Variants in HTR2C observed in about 807,000 individuals in gnomAD.
The protein encoded by HTR2C is 5-hydroxytryptamine receptor 2C, also known as 5-hydroxytryptamine (serotonin) receptor 2C, G protein-coupled.
Under a neutral mutation model 21.0 loss-of-function variants are expected in HTR2C, and 5 were observed. That is an observed-to-expected ratio of 0.24 (90% CI 0.12 to 0.50). HTR2C has a LOEUF of 0.50. Among genes scored for constraint, HTR2C ranks in the 20% least tolerant of loss-of-function variants. The pLI, the probability that HTR2C is intolerant of heterozygous loss-of-function variation, is 0.98. For missense variants in HTR2C, 271 were observed against 371.2 expected (o/e 0.73, Z 2.22); for synonymous variants, 150 against 145.3 (o/e 1.03, Z -0.23).
intron 2 of HTR2C, among the ~76,000 whole-genome samples, chrX:114,706,422 A>G (rs1296484586): frequency 1.2e-5 from 1 of 84,200 alleles, no homozygotes; most frequent in East Asian, 4.5e-4. Context: ...CATGGATGAA[A>G]TTGGAAATCA....
At chrX:114,602,852 G>A (rs1928187810) in intron 1 of HTR2C, among the ~76,000 whole-genome samples, 1 of 99,054 alleles carries the variant, frequency 1.0e-5, no homozygotes, top group Non-Finnish European at 2.0e-5. Context: ...GATGTGTAGG[G>A]AAGGCAGGGG....
At chrX:114,728,733 G>C (rs1264726481) in intron 3 of HTR2C, among the ~76,000 whole-genome samples, 1 of 111,028 alleles carries the variant, frequency 9.0e-6, no homozygotes. Context: ...ATAACTACTT[G>C]AAACAGTCCA....
At chrX:114,584,698 C>G (rs1927314110) in intron 1 of HTR2C, 39 bp downstream of exon 1, 1 of 111,666 alleles carries the variant, frequency 9.0e-6, no homozygotes, top group Non-Finnish European at 1.9e-5. Context: ...AGCCGAGACC[C>G]CAACGATTTA....
intron 2 of HTR2C, among the ~76,000 whole-genome samples, chrX:114,639,224 A>T: frequency 8.9e-6 from 1 of 112,461 alleles, no homozygotes; most frequent in Admixed American, 9.5e-5. Flanking sequence ...ACAATGTGAA[A>T]TAAATATTTC....
intron 4 of HTR2C, among the ~76,000 whole-genome samples, chrX:114,778,786 A>G (rs182145352): frequency 9.0e-6 from 1 of 111,544 alleles, no homozygotes; most frequent in East Asian, 2.8e-4. Flanking sequence ...TCTGTAAGAG[A>G]TAATGTCTGA....
intron 5 of HTR2C, among the ~76,000 whole-genome samples, chrX:114,855,274 T>C (rs1351000426): frequency 9.0e-6 from 1 of 111,572 alleles, no homozygotes; most frequent in Non-Finnish European, 1.9e-5. Flanking sequence ...AATGAATACT[T>C]TACTTCAGTA....
intron 5 of HTR2C, among the ~76,000 whole-genome samples, chrX:114,889,902 G>A (rs929207530): frequency 9.8e-5 from 11 of 111,715 alleles, no homozygotes; most frequent in Admixed American, 7.6e-4. Flanking sequence ...ACGGTTCTTA[G>A]TGATATTGAG....
chrX:114,689,351 A>G (rs191976328), intron 2 of HTR2C, among the ~76,000 whole-genome samples: 80 of 108,195 alleles, frequency 7.4e-4, no homozygotes, highest in African/African-American at 2.5e-3. Flanking sequence ...ATAATGACTT[A>G]TTTTCCTCTG....
intron 4 of HTR2C, among the ~76,000 whole-genome samples, chrX:114,806,749 T>TAC (rs199709175): frequency 7.3e-4 from 9 of 12,366 alleles, no homozygotes; most frequent in Admixed American, 3.9e-3. Context: ...ACCATATATA[T>TAC]ACACCATATA....
At position 114,587,379 on chromosome X, in the gene HTR2C, A is replaced by T. The variant is rs782241053; in HGVS notation, c.-147+2720A>T. 4.5e-5 allele frequency among the ~76,000 whole-genome samples: 5 copies of T among 111,758 alleles called. 1 individual carries two copies. Among genetic ancestry groups the T allele is most frequent in the Admixed American group, 2.9e-4 (3 of 10,498 alleles). The stretch of plus-strand genomic sequence containing the variant: ...AAAAGGATGATGTACGTGTACTGAG[A>T]TTATTTTAGTAAAGCATCTGATACA... On this transcript the variant is annotated intron_variant, in intron 1 of 5. Coordinates refer to ENST00000276198, the MANE Select transcript of HTR2C (RefSeq NM_000868.4).
intron 4 of HTR2C, among the ~76,000 whole-genome samples, chrX:114,756,597 T>C (rs1420343656): frequency 8.9e-6 from 1 of 112,242 alleles, no homozygotes; most frequent in African/African-American, 3.2e-5. Flanking sequence ...TGACATGCTG[T>C]ATGCTTCCAT....
At chrX:114,634,444 G>A (rs1197401243) in intron 2 of HTR2C, among the ~76,000 whole-genome samples, 1 of 111,891 alleles carries the variant, frequency 8.9e-6, no homozygotes, top group Non-Finnish European at 1.9e-5. Context: ...TAAGAATTCA[G>A]TAAATAGAAT....
At chrX:114,688,827 C>T (rs1035944938) in intron 2 of HTR2C, among the ~76,000 whole-genome samples, 5 of 110,632 alleles carry the variant, frequency 4.5e-5, no homozygotes, top group Middle Eastern at 9.3e-3. Context: ...TTCCAGACCA[C>T]CATTTCTTTT....
At chrX:114,875,495 T>G (rs151159401) in intron 5 of HTR2C, among the ~76,000 whole-genome samples, 3,974 of 111,497 alleles carry the variant, frequency 0.036, 181 homozygotes, top group African/African-American at 0.12. Flanking sequence ...AAGACCAATG[T>G]CCAGGAGTTT....
chrX:114,703,126 C>T (rs1333789417), intron 2 of HTR2C, among the ~76,000 whole-genome samples: 22 of 107,627 alleles, frequency 2.0e-4, no homozygotes, highest in African/African-American at 7.4e-4. Context: ...CTTTAACACC[C>T]CACTGTCAAC....
intron 5 of HTR2C, among the ~76,000 whole-genome samples, chrX:114,880,684 T>C (rs1556479682): frequency 1.8e-5 from 2 of 111,489 alleles, no homozygotes; most frequent in Non-Finnish European, 1.9e-5. Flanking sequence ...TCATGTAATA[T>C]GTAGTCTTAC....
At chrX:114,879,602 C>T (rs5946219) in intron 5 of HTR2C, among the ~76,000 whole-genome samples, 3,425 of 110,231 alleles carry the variant, frequency 0.031, 60 homozygotes, top group South Asian at 0.051. Context: ...TATTCCTCAC[C>T]CGCCTCCTAT....
chrX:114,757,122 C>T (rs1320601314), intron 4 of HTR2C, among the ~76,000 whole-genome samples: 1 of 110,624 alleles, frequency 9.0e-6, no homozygotes, highest in African/African-American at 3.3e-5. Context: ...TATCTATATA[C>T]AAATTGCTAC....
intron 4 of HTR2C, among the ~76,000 whole-genome samples, chrX:114,783,814 A>G (rs2070143851): frequency 8.9e-6 from 1 of 111,817 alleles, no homozygotes; most frequent in Admixed American, 9.5e-5. Context: ...TTTGGAAATT[A>G]CTAAACATTT....
Sources: gnomAD v4.1 joint callset for allele counts (sites outside exome capture counted in the v4.1 genomes callset) on GRCh38, gnomAD v4.1.1 for gene constraint, MANE v1.5 for transcripts, NCBI Gene and HGNC (gene_info 2026-07-23, HGNC 2026-07-21) for gene names.